The following SORCS3 variants were observed in gnomAD, a reference collection of about 807,000 sequenced individuals.
SORCS3 encodes VPS10 domain-containing receptor SorCS3.
Under a neutral mutation model 146.3 loss-of-function variants are expected in SORCS3, and 57 were observed. That is an observed-to-expected ratio of 0.39 (90% CI 0.31 to 0.49). The LOEUF is 0.49. Ranked by LOEUF, SORCS3 falls within the 20% of genes least tolerant of loss-of-function variation. The pLI is 0.92. For synonymous variants in SORCS3, 653 were observed against 618.5 expected, an observed-to-expected ratio of 1.06 and a Z score of -0.83; for missense variants, 1,341 against 1,575.5, an observed-to-expected ratio of 0.85 and a Z score of 2.52.
rs200815425 is a variant in SORCS3 at position 105,263,271 on chromosome 10, C to T, written c.3605-39C>T. On this transcript the variant is annotated intron_variant, in intron 26 of 26. Coordinates refer to ENST00000369701, the MANE Select transcript of SORCS3 (RefSeq NM_014978.3). ...AACTAAGATCCCTGCCCTTGTGGAA[C>T]TCACATCCATTTCTCCCTGTGTCTT... The T allele has an allele frequency of 1.9e-6, 3 of 1,600,644 alleles. No individual in the cohort carries two copies. In the East Asian group the frequency reaches 6.7e-5, roughly 36 times the overall value.
At chr10:104,945,568 T>C (rs1396535385) in intron 3 of SORCS3, among the ~76,000 whole-genome samples, 1 of 71,858 alleles carries the variant, frequency 1.4e-5, no homozygotes, top group Non-Finnish European at 2.5e-5. Context: ...CTAATGTTCT[T>C]TTTTTTTTTT....
chr10:105,233,357 T>C (rs2056775412), intron 20 of SORCS3, among the ~76,000 whole-genome samples: 1 of 149,932 alleles, frequency 6.7e-6, no homozygotes, highest in African/African-American at 2.4e-5. Context: ...TTGGTATGTT[T>C]ATGTTGAACA....
chr10:104,935,290 A>G (rs74467881), intron 3 of SORCS3, among the ~76,000 whole-genome samples: 4,055 of 152,270 alleles, frequency 0.027, 86 homozygotes, highest in Non-Finnish European at 0.038. Flanking sequence ...ACTGAACTCT[A>G]TTGAGTTCTA....
intron 25 of SORCS3, 65 bp from the exon 26 acceptor site, chr10:105,262,266 T>C (rs978369910): frequency 1.1e-5 from 16 of 1,501,600 alleles, no homozygotes; most frequent in Non-Finnish European, 1.5e-5. Context: ...TCCCCCAGGA[T>C]TTCCAGCTGC....
intron 4 of SORCS3, among the ~76,000 whole-genome samples, chr10:104,992,584 C>T (rs1239939704): frequency 6.6e-6 from 1 of 152,158 alleles, no homozygotes; most frequent in Non-Finnish European, 1.5e-5. Flanking sequence ...GCCTTTAGCT[C>T]AGCACATGAA....
intron 1 of SORCS3, among the ~76,000 whole-genome samples, chr10:104,717,249 C>T (rs1405142913): frequency 6.8e-6 from 1 of 148,056 alleles, no homozygotes; most frequent in Non-Finnish European, 1.5e-5. Flanking sequence ...TGTACCACTG[C>T]ACTCCAGCCT....
At chr10:104,994,210 A>G (rs1449776448) in intron 4 of SORCS3, among the ~76,000 whole-genome samples, 1 of 152,204 alleles carries the variant, frequency 6.6e-6, no homozygotes, top group Non-Finnish European at 1.5e-5. Context: ...CTGCTGATCA[A>G]ATAAGTAACT....
chr10:104,787,190 A>T (rs1159760102), intron 1 of SORCS3, among the ~76,000 whole-genome samples: 1 of 152,120 alleles, frequency 6.6e-6, no homozygotes, highest in East Asian at 1.9e-4. Context: ...TCGCCAAAGG[A>T]GGAGGATGTG....
At chr10:105,059,364 CTT>C (rs1390707271) in intron 5 of SORCS3, among the ~76,000 whole-genome samples, 1 of 152,132 alleles carries the variant, frequency 6.6e-6, no homozygotes, top group African/African-American at 2.4e-5. Context: ...TGCAAAGAAT[CTT>C]TAAAATGCTT....
chr10:104,750,386 A>G (rs184098940), intron 1 of SORCS3, among the ~76,000 whole-genome samples: 2 of 152,328 alleles, frequency 1.3e-5, no homozygotes, highest in East Asian at 3.9e-4. Context: ...ATTTGTATGT[A>G]AGGAAAACTG....
chr10:104,873,962 T>TA (rs1240329701), intron 2 of SORCS3, among the ~76,000 whole-genome samples: 2 of 152,224 alleles, frequency 1.3e-5, no homozygotes, highest in Non-Finnish European at 2.9e-5. Context: ...TCTGCTCCAC[T>TA]AAGTCTTCTG....
intron 1 of SORCS3, among the ~76,000 whole-genome samples, chr10:104,709,032 C>G (rs2016382253): frequency 6.6e-6 from 1 of 152,220 alleles, no homozygotes; most frequent in Admixed American, 6.5e-5. Context: ...GGCCCATCTC[C>G]TCGCTTTTGC....
At chr10:104,652,991 CTT>C (rs1476080142) in intron 1 of SORCS3, among the ~76,000 whole-genome samples, 1 of 152,180 alleles carries the variant, frequency 6.6e-6, no homozygotes, top group Non-Finnish European at 1.5e-5. Flanking sequence ...TAGGAAATAA[CTT>C]GAACATAATC....
At chr10:105,241,554 C>T (rs2056823571) in intron 20 of SORCS3, among the ~76,000 whole-genome samples, 1 of 152,200 alleles carries the variant, frequency 6.6e-6, no homozygotes, top group Non-Finnish European at 1.5e-5. Flanking sequence ...TGGGTACCCA[C>T]ACTCGGTGGG....
At chr10:104,887,560 A>G (rs897269295) in intron 2 of SORCS3, among the ~76,000 whole-genome samples, 5 of 152,148 alleles carry the variant, frequency 3.3e-5, no homozygotes, top group Admixed American at 6.5e-5. Flanking sequence ...GCTTCTAGAC[A>G]AGAGTCCGGT....
intron 1 of SORCS3, among the ~76,000 whole-genome samples, chr10:104,744,769 C>G (rs1319702002): frequency 6.6e-6 from 1 of 152,222 alleles, no homozygotes; most frequent in African/African-American, 2.4e-5. Flanking sequence ...AATCTTCTCC[C>G]TTCAGTTTCC....
At chr10:104,934,544 G>A (rs1165219812) in intron 3 of SORCS3, among the ~76,000 whole-genome samples, 1 of 152,172 alleles carries the variant, frequency 6.6e-6, no homozygotes, top group Non-Finnish European at 1.5e-5. Flanking sequence ...AACCTTTTGA[G>A]TGAGAGGATT....
At chr10:104,877,399 C>T (rs927964002) in intron 2 of SORCS3, among the ~76,000 whole-genome samples, 1 of 152,190 alleles carries the variant, frequency 6.6e-6, no homozygotes, top group African/African-American at 2.4e-5. Context: ...CCCTCAGAAC[C>T]TGTATCCTCT....
chr10:105,178,169 A>C lies in SORCS3; in HGVS notation c.2005A>C (p.Met669Leu). ...GGAGGCAGGAATGGAGACCCACATC[A>C]TGACGTGAGTACTTCTTTTGCTGTG... ...LVEAGMETHIMTVFGHFSLRS... is the reference protein window; with the variant it reads ...LVEAGMETHILTVFGHFSLRS... The change falls in exon 14 of 27, where the codon ATG (methionine) becomes CTG (leucine). Residue 669 changes from methionine (M) to leucine (L), a missense_variant. Physicochemically the swap from Met to Leu is conservative, Grantham distance 15. Transcript: ENST00000369701. 6.2e-7 allele frequency: 1 copy of C among 1,609,616 alleles called. No individual in the cohort carries two copies. The highest frequency in any genetic ancestry group is 8.5e-7 in the Non-Finnish European group (1 of 1,176,608).
Sources: gnomAD v4.1 joint callset for allele counts (sites outside exome capture counted in the v4.1 genomes callset) on GRCh38, gnomAD v4.1.1 for gene constraint, MANE v1.5 for transcripts, NCBI Gene and HGNC (gene_info 2026-07-23, HGNC 2026-07-21) for gene names.